The following FNDC3A variants were observed in gnomAD, a reference collection of about 807,000 sequenced individuals.
The protein encoded by FNDC3A is fibronectin type-III domain-containing protein 3A.
In FNDC3A, 32 loss-of-function variants were observed where a neutral mutation model predicts 148.9. The observed-to-expected ratio is 0.21, with a 90% CI of 0.16 to 0.29. The LOEUF (loss-of-function observed/expected upper bound fraction) is 0.29, where lower values mean the gene tolerates loss of function less well. Among genes scored for constraint, FNDC3A ranks in the 10% least tolerant of loss-of-function variants. The probability of loss-of-function intolerance (pLI) is 1.00; values close to 1 mark genes in which losing one functional copy is unlikely to be tolerated. For missense variants in FNDC3A, 1,191 were observed against 1,452.8 expected (o/e 0.82, Z 2.93); for synonymous variants, 472 against 473.6 (o/e 1.00, Z 0.04).
chr13:49,104,416 C>T (rs959183820), intron 3 of FNDC3A, among the ~76,000 whole-genome samples: 2 of 151,992 alleles, frequency 1.3e-5, no homozygotes, highest in Non-Finnish European at 2.9e-5. Context: ...CCCAGCTACT[C>T]GGGATGCTGA....
At position 49,113,228 on chromosome 13, in the gene FNDC3A, C is replaced by T. The variant is rs533763009; in HGVS notation, c.176-1427C>T. Among the ~76,000 whole-genome samples the T allele has an allele frequency of 1.6e-3, 250 of 151,726 alleles. 1 individual carries two copies. Among genetic ancestry groups the T allele is most frequent in the African/African-American group, 5.6e-3 (230 of 41,320 alleles). The stretch of plus-strand genomic sequence containing the variant: ...CCTCTCGCCTCTCTCCTTCTCTCCC[C>T]TCTTGCCTTTCTCCTCTCCTTGCTT... On this transcript the variant is annotated intron_variant, in intron 3 of 25. Coordinates refer to ENST00000492622, the MANE Select transcript of FNDC3A (RefSeq NM_001079673.2).
intron 2 of FNDC3A, among the ~76,000 whole-genome samples, chr13:49,006,591 A>C (rs945179607): frequency 3.3e-5 from 5 of 151,974 alleles, no homozygotes; most frequent in Admixed American, 1.3e-4. Flanking sequence ...CTTAATGATT[A>C]TTATAAATCA....
chr13:49,063,568 A>G (rs1425449255), intron 2 of FNDC3A, among the ~76,000 whole-genome samples: 1 of 152,164 alleles, frequency 6.6e-6, no homozygotes, highest in Non-Finnish European at 1.5e-5. Context: ...AATTGTTTCC[A>G]AGAAATTACA....
intron 14 of FNDC3A, among the ~76,000 whole-genome samples, chr13:49,182,570 T>A (rs114219820): frequency 0.019 from 2,841 of 152,080 alleles, 92 homozygotes; most frequent in African/African-American, 0.063. Flanking sequence ...CAGTCCCCAC[T>A]TTGGATGTAG....
chr13:48,992,706 T>C (rs183504377), intron 1 of FNDC3A, among the ~76,000 whole-genome samples: 404 of 152,290 alleles, frequency 2.7e-3, no homozygotes, highest in African/African-American at 8.6e-3. Flanking sequence ...CAATTTGATA[T>C]ATGTCAGTTA....
At chr13:49,140,268 C>G (rs867681970) in intron 7 of FNDC3A, among the ~76,000 whole-genome samples, 8 of 152,222 alleles carry the variant, frequency 5.3e-5, no homozygotes, top group Middle Eastern at 6.8e-3. Context: ...CCTAGGAGTT[C>G]AATGCTGCAG....
At chr13:49,162,145 T>A (rs181513378) in intron 8 of FNDC3A, among the ~76,000 whole-genome samples, 159 of 152,334 alleles carry the variant, frequency 1.0e-3, no homozygotes, top group Admixed American at 4.3e-3. Flanking sequence ...TAAATTTGAA[T>A]GTTGGCCTGC....
At chr13:49,193,143 T>C (rs1291542049) in intron 19 of FNDC3A, among the ~76,000 whole-genome samples, 1 of 152,190 alleles carries the variant, frequency 6.6e-6, no homozygotes, top group Non-Finnish European at 1.5e-5. Context: ...CTTTCCATGC[T>C]CTCCATGAAC....
chr13:49,162,169 G>A (rs1311003460), intron 8 of FNDC3A, among the ~76,000 whole-genome samples: 1 of 152,076 alleles, frequency 6.6e-6, no homozygotes, highest in African/African-American at 2.4e-5. Flanking sequence ...GCTAGGTTGG[G>A]GAAGTTCTCC....
chr13:49,044,995 A>G, intron 2 of FNDC3A: 1 of 320,268 alleles, frequency 3.1e-6, no homozygotes, highest in South Asian at 2.8e-5. Context: ...TGCAAAACTC[A>G]GAAATTCACT....
At chr13:49,134,682 G>T (rs79178877) in intron 5 of FNDC3A, among the ~76,000 whole-genome samples, 5 of 151,484 alleles carry the variant, frequency 3.3e-5, no homozygotes, top group African/African-American at 1.2e-4. Flanking sequence ...TCTGTCTTTT[G>T]ATTGTAGGCA....
intron 1 of FNDC3A, among the ~76,000 whole-genome samples, chr13:48,980,358 G>A (rs868850148): frequency 2.6e-4 from 40 of 152,216 alleles, no homozygotes; most frequent in African/African-American, 8.7e-4. Context: ...CAGGCAGTAG[G>A]GATCTTTGTT....
intron 9 of FNDC3A, among the ~76,000 whole-genome samples, chr13:49,168,050 G>GTC (rs1343038059): frequency 1.7e-4 from 26 of 152,162 alleles, no homozygotes; most frequent in Non-Finnish European, 1.5e-5. Context: ...GTCTTCTAGT[G>GTC]TAATTTACTA....
chr13:49,152,577 T>A (rs927116121), intron 8 of FNDC3A, among the ~76,000 whole-genome samples: 3 of 152,096 alleles, frequency 2.0e-5, no homozygotes, highest in African/African-American at 7.2e-5. Flanking sequence ...TAGTTACATA[T>A]GTATACATGT....
At chr13:49,005,612 AC>A (rs1952205802) in intron 1 of FNDC3A, among the ~76,000 whole-genome samples, 1 of 151,944 alleles carries the variant, frequency 6.6e-6, no homozygotes, top group Non-Finnish European at 1.5e-5. Flanking sequence ...GAAGGTTCTT[AC>A]CCTAATCCTG....
chr13:49,196,867 G>A lies in FNDC3A; in HGVS notation c.2227-10G>A. The A allele has an allele frequency of 6.6e-7, 1 of 1,520,192 alleles. No homozygotes were observed. Among genetic ancestry groups the A allele is most frequent in the Non-Finnish European group, 9.1e-7 (1 of 1,101,618 alleles). 94.2% of individuals were successfully genotyped at this position (1,520,192 alleles called of 1,614,324 possible). On this transcript the variant is annotated splice_polypyrimidine_tract_variant and intron_variant, in intron 19 of 25. Transcript: ENST00000492622. The stretch of plus-strand genomic sequence containing the variant: ...AAAAATAAAAACACTAGTTACATTT[G>A]TTTTTCTAGTTTGGACCATTTTCAG...
chr13:49,140,084 G>A (rs149111217), intron 7 of FNDC3A, among the ~76,000 whole-genome samples: 57 of 152,260 alleles, frequency 3.7e-4, no homozygotes, highest in Middle Eastern at 6.8e-3. Context: ...CACTTTCCCA[G>A]TCCTTTGGAA....
chr13:49,137,811 A>G (rs1430715527), intron 6 of FNDC3A, among the ~76,000 whole-genome samples: 1 of 152,172 alleles, frequency 6.6e-6, no homozygotes. Context: ...TGTAGTTTCT[A>G]TATGTATGTT....
intron 2 of FNDC3A, among the ~76,000 whole-genome samples, chr13:49,018,435 G>C (rs181625872): frequency 0.05 from 7,357 of 146,906 alleles, 226 homozygotes; most frequent in Middle Eastern, 0.11. Flanking sequence ...GTTCTCGAGC[G>C]TTGGTTTTCA....
Sources: gnomAD v4.1 joint callset for allele counts (sites outside exome capture counted in the v4.1 genomes callset) on GRCh38, gnomAD v4.1.1 for gene constraint, MANE v1.5 for transcripts, NCBI Gene and HGNC (gene_info 2026-07-23, HGNC 2026-07-21) for gene names.